The following FBXO36 variants were observed in gnomAD, a reference collection of about 807,000 sequenced individuals.
FBXO36 encodes the protein F-box only protein 36.
Under a neutral mutation model 17.0 loss-of-function variants are expected in FBXO36, and 18 were observed. That is an observed-to-expected ratio of 1.06 (90% CI 0.73 to 1.57). FBXO36 has a LOEUF of 1.57. Ranked by LOEUF, FBXO36 falls within the 40% of genes most tolerant of loss-of-function variation. The pLI is 0.00. For synonymous variants in FBXO36, 83 were observed against 85.3 expected (o/e 0.97, Z 0.15); for missense variants, 229 against 221.9 (o/e 1.03, Z -0.20).
chr2:229,953,456 G>A (rs895912134), intron 1 of FBXO36, among the ~76,000 whole-genome samples: 2 of 151,676 alleles, frequency 1.3e-5, no homozygotes, highest in Non-Finnish European at 1.5e-5. Flanking sequence ...TGGGAAGATC[G>A]CTTGAGCTCA....
chr2:229,941,789 G>A (rs187431651), intron 1 of FBXO36, among the ~76,000 whole-genome samples: 3 of 152,310 alleles, frequency 2.0e-5, no homozygotes, highest in African/African-American at 7.2e-5. Context: ...GGCCGAGGCA[G>A]GTGGATCACT....
At chr2:229,944,576 T>C (rs1323385063) in intron 1 of FBXO36, among the ~76,000 whole-genome samples, 2 of 146,362 alleles carry the variant, frequency 1.4e-5, no homozygotes, top group Non-Finnish European at 3.0e-5. Context: ...GCAAAACTGG[T>C]ATTTTTTTTC....
chr2:229,993,841 G>C (rs950936224), intron 2 of FBXO36, among the ~76,000 whole-genome samples: 1 of 152,062 alleles, frequency 6.6e-6, no homozygotes, highest in Non-Finnish European at 1.5e-5. Context: ...CACGATCTCA[G>C]CTCACTGCAA....
chr2:229,995,409 A>G (rs1432589649), intron 2 of FBXO36, among the ~76,000 whole-genome samples: 1 of 152,164 alleles, frequency 6.6e-6, no homozygotes, highest in Non-Finnish European at 1.5e-5. Flanking sequence ...GAACAGGTAC[A>G]GAAAATATTA....
At chr2:229,981,956 T>C (rs569645448) in intron 2 of FBXO36, among the ~76,000 whole-genome samples, 32 of 151,978 alleles carry the variant, frequency 2.1e-4, no homozygotes, top group African/African-American at 7.7e-4. Context: ...GCAGGTGTCT[T>C]ACATGGCAGG....
At position 230,012,176 on chromosome 2, in the gene FBXO36, A is replaced by G. The variant is rs2077419079; in HGVS notation, c.*1292A>G. On this transcript the variant is annotated 3_prime_UTR_variant, in exon 4 of 4. Transcript: ENST00000283946. ...CCAGAGAAACTTCCCAGGATGCACT[A>G]GGGCCCTGTGAACAATACAGAAGTT... The G allele has an allele frequency of 6.6e-6, 1 of 151,992 alleles. No homozygotes were observed. The highest frequency in any genetic ancestry group is 6.6e-5 in the Admixed American group (1 of 15,252). The allele number at this position is 151,992 out of a possible 1,614,324, so 9.4% of individuals were successfully genotyped here.
At chr2:229,988,848 T>TG (rs1184710298) in intron 2 of FBXO36, among the ~76,000 whole-genome samples, 5 of 150,216 alleles carry the variant, frequency 3.3e-5, no homozygotes, top group African/African-American at 1.2e-4. Context: ...TTTTTTGTTT[T>TG]TTTTTTTTTA....
intron 2 of FBXO36, among the ~76,000 whole-genome samples, chr2:229,982,853 T>C (rs145400422): frequency 8.8e-4 from 134 of 151,414 alleles, no homozygotes; most frequent in African/African-American, 3.1e-3. Flanking sequence ...TGAGGTCCCA[T>C]ATTCACAGGG....
intron 1 of FBXO36, among the ~76,000 whole-genome samples, chr2:229,927,688 T>C (rs1404230618): frequency 6.6e-6 from 1 of 151,858 alleles, no homozygotes; most frequent in Non-Finnish European, 1.5e-5. Context: ...ATTCGTCTTG[T>C]TTTATCTCTT....
chr2:229,924,306 T>A (rs561006132), intron 1 of FBXO36, among the ~76,000 whole-genome samples: 2 of 151,974 alleles, frequency 1.3e-5, no homozygotes, highest in East Asian at 3.9e-4. Flanking sequence ...TTGGCCAGAG[T>A]GGTCTCCAAC....
intron 1 of FBXO36, among the ~76,000 whole-genome samples, chr2:229,961,417 C>T (rs991870657): frequency 2.6e-5 from 4 of 152,174 alleles, no homozygotes; most frequent in South Asian, 2.1e-4. Context: ...TGCTCTGTCA[C>T]GAGGCTGGAG....
intron 1 of FBXO36, among the ~76,000 whole-genome samples, chr2:229,947,953 G>T (rs1178508516): frequency 6.6e-6 from 1 of 152,126 alleles, no homozygotes; most frequent in Non-Finnish European, 1.5e-5. Context: ...AAAACCATTT[G>T]GATTAGATTA....
intron 3 of FBXO36, among the ~76,000 whole-genome samples, chr2:230,000,090 G>T (rs554559422): frequency 6.6e-6 from 1 of 152,144 alleles, no homozygotes; most frequent in East Asian, 1.9e-4. Flanking sequence ...TGGCACGGTG[G>T]CTCACACCTG....
chr2:229,922,774 C>T lies in FBXO36; in HGVS notation c.96+165C>T, dbSNP rs1304456239. On this transcript the variant is annotated intron_variant, in intron 1 of 3. Coordinates refer to ENST00000283946, the MANE Select transcript of FBXO36 (RefSeq NM_174899.5). ...CCTCGTCACCTCGGCCTCCTCGGTC[C>T]GACGGCCCGCGTGTCCCTGCTCTCC... is the stretch of plus-strand genomic sequence containing the variant. 2.6e-5 allele frequency among the ~76,000 whole-genome samples: 4 copies of T among 152,210 alleles called. No homozygotes were observed. In the East Asian group the frequency reaches 5.8e-4, roughly 22 times the overall value.
At chr2:230,007,053 A>G (rs2106218525) in intron 3 of FBXO36, among the ~76,000 whole-genome samples, 1 of 152,372 alleles carries the variant, frequency 6.6e-6, no homozygotes, top group South Asian at 2.1e-4. Context: ...AGCAACCAGC[A>G]TACTGGAAAG....
chr2:230,010,916 G>A lies in FBXO36; in HGVS notation c.*32G>A, dbSNP rs1181340051. ...ATTTTCCTACCAGCAGGGAGCTCAG[G>A]CATGGCTGTGTTTCTCTTCAGTGTC... On this transcript the variant is annotated 3_prime_UTR_variant, in exon 4 of 4. Coordinates refer to ENST00000283946, the MANE Select transcript of FBXO36 (RefSeq NM_174899.5). 2.6e-6 allele frequency: 4 copies of A among 1,563,018 alleles called. No individual in the cohort carries two copies. In the East Asian group the frequency reaches 7.0e-5, roughly 27 times the overall value.
intron 1 of FBXO36, among the ~76,000 whole-genome samples, chr2:229,936,454 C>G (rs143570741): frequency 4.6e-5 from 7 of 152,200 alleles, no homozygotes; most frequent in Non-Finnish European, 8.8e-5. Flanking sequence ...TTACAAATAT[C>G]TATGTAAATT....
intron 1 of FBXO36, among the ~76,000 whole-genome samples, chr2:229,937,353 A>G (rs1437117904): frequency 6.6e-6 from 1 of 151,752 alleles, no homozygotes; most frequent in East Asian, 1.9e-4. Flanking sequence ...AAATTAGCCG[A>G]GTGTGGTGGC....
intron 1 of FBXO36, among the ~76,000 whole-genome samples, chr2:229,926,589 A>T (rs571660452): frequency 6.7e-6 from 1 of 149,506 alleles, no homozygotes; most frequent in African/African-American, 2.5e-5. Context: ...ACTAAAAATA[A>T]AAAAATTAGC....
Sources: allele counts gnomAD v4.1 joint callset (sites outside exome capture counted in the v4.1 genomes callset), GRCh38; gene constraint gnomAD v4.1.1; transcripts MANE v1.5; gene names NCBI Gene and HGNC (gene_info 2026-07-23, HGNC 2026-07-21).